The following SPAST variants were observed in gnomAD, a reference collection of about 807,000 sequenced individuals.
SPAST encodes spastin.
Under a neutral mutation model 76.6 loss-of-function variants are expected in SPAST, and 30 were observed. The ratio of observed to expected loss-of-function variants is 0.39; its 90% CI spans 0.29 to 0.53. The LOEUF (loss-of-function observed/expected upper bound fraction) is 0.53, where lower values mean the gene tolerates loss of function less well. SPAST is among the 20% of genes least tolerant of loss of function. The pLI, the probability that SPAST is intolerant of heterozygous loss-of-function variation, is 0.68. For missense variants in SPAST, 717 were observed against 770.5 expected, an observed-to-expected ratio of 0.93 and a Z score of 0.82; for synonymous variants, 305 against 281.0, an observed-to-expected ratio of 1.09 and a Z score of -0.86.
At position 32,089,588 on chromosome 2, in the gene SPAST, A is replaced by C. The variant is rs1458700320; in HGVS notation, c.569A>C (p.Asp190Ala). The C allele has an allele frequency of 6.3e-7, 1 of 1,576,204 alleles. No individual in the cohort carries two copies. The change falls in exon 3 of 17, where the codon GAC becomes GCC. Residue 190 changes from aspartate to alanine, a missense_variant. Asp to Ala is a moderately radical substitution (Grantham distance 126, BLOSUM62 -2). Coordinates refer to ENST00000315285, the MANE Select transcript of SPAST (RefSeq NM_014946.4). Reference protein sequence around the residue: ...KMMTNLVMAKDRLQLLEKMQP... With the variant: ...KMMTNLVMAKARLQLLEKMQP... ...ATGACTAATTTGGTTATGGCCAAGG[A>C]CCGCTTACAACTTCTAGGTATCAAT...
chr2:32,089,889 G>C (rs952613531), intron 3 of SPAST, among the ~76,000 whole-genome samples: 10 of 151,914 alleles, frequency 6.6e-5, no homozygotes, highest in African/African-American at 2.4e-4. Flanking sequence ...TCAGCCTCCT[G>C]AGTAGCTGGG....
At chr2:32,068,794 T>C (rs976706739) in intron 1 of SPAST, among the ~76,000 whole-genome samples, 1 of 149,872 alleles carries the variant, frequency 6.7e-6, no homozygotes, top group Non-Finnish European at 1.5e-5. Flanking sequence ...CTCGGGAGGG[T>C]GAGGCAGGAG....
chr2:32,113,907 G>T (rs1247054545), intron 4 of SPAST, among the ~76,000 whole-genome samples: 2 of 151,346 alleles, frequency 1.3e-5, no homozygotes, highest in East Asian at 1.9e-4. Flanking sequence ...TCCCCAAAAT[G>T]AAGTAGTTTC....
At position 32,109,875 on chromosome 2, in the gene SPAST, T is replaced by C. The variant is rs199949500; in HGVS notation, c.683-4763T>C. 1.1e-3 allele frequency among the ~76,000 whole-genome samples: 149 copies of C among 135,248 alleles called. No homozygotes were observed. The Middle Eastern group carries it at 0.014, about 13-fold the overall frequency. The allele number at this position is 135,248 out of a possible 152,430, so 88.7% of individuals were successfully genotyped here. A position where few individuals can be genotyped will look rare whatever the true frequency, so the allele number is the denominator to read the frequency against. On this transcript the variant is annotated intron_variant, in intron 4 of 16. Coordinates refer to ENST00000315285, the MANE Select transcript of SPAST (RefSeq NM_014946.4). The stretch of plus-strand genomic sequence containing the variant: ...ATATAGTTACATATCTATATGCATA[T>C]ACATATATAGTTACATATGTATATG...
chr2:32,116,301 C>T (rs1460446483), intron 7 of SPAST, 89 bp downstream of exon 7: 1 of 828,336 alleles, frequency 1.2e-6, no homozygotes, highest in Non-Finnish European at 2.0e-6. Context: ...TTGAGCTATA[C>T]TAAAATAATT....
intron 7 of SPAST, 84 bp downstream of exon 7, chr2:32,116,296 C>T (rs1175132273): frequency 1.0e-5 from 9 of 867,024 alleles, no homozygotes; most frequent in Non-Finnish European, 3.9e-6. Context: ...AATATTTGAG[C>T]TATACTAAAA....
intron 1 of SPAST, among the ~76,000 whole-genome samples, chr2:32,081,098 A>C (rs1204909356): frequency 6.6e-6 from 1 of 152,170 alleles, no homozygotes. Context: ...AGCTGAGGCA[A>C]CAGGCGTGCG....
intron 1 of SPAST, among the ~76,000 whole-genome samples, chr2:32,068,666 G>A (rs1268265767): frequency 1.3e-5 from 2 of 152,070 alleles, no homozygotes; most frequent in African/African-American, 2.4e-5. Context: ...AACTGATGCC[G>A]TAATATGCCA....
intron 1 of SPAST, among the ~76,000 whole-genome samples, chr2:32,080,323 A>C (rs140644591): frequency 6.6e-6 from 1 of 151,604 alleles, no homozygotes; most frequent in Non-Finnish European, 1.5e-5. Flanking sequence ...CAGCATAACT[A>C]CTCAACCCTG....
At chr2:32,114,441 A>G (rs1343914705) in intron 4 of SPAST, among the ~76,000 whole-genome samples, 197 bp from the exon 5 acceptor site, 4 of 152,156 alleles carry the variant, frequency 2.6e-5, no homozygotes, top group African/African-American at 9.7e-5. Flanking sequence ...TTAGGGGGAA[A>G]AAACCTAATA....
intron 3 of SPAST, among the ~76,000 whole-genome samples, chr2:32,092,481 T>C (rs3769606): frequency 0.39 from 59,676 of 152,008 alleles, 12,055 homozygotes; most frequent in East Asian, 0.64. Context: ...TGTTATGATA[T>C]AGGACATTAG....
rs1680279726 is a variant in SPAST at position 32,157,162 on chromosome 2, G to A, written c.*2666G>A. 1 of 152,564 alleles carries A rather than the reference G, an allele frequency of 6.6e-6. No individual in the cohort carries two copies. Among genetic ancestry groups the A allele is most frequent in the Non-Finnish European group, 1.5e-5 (1 of 68,014 alleles). The allele number at this position is 152,564 out of a possible 1,614,324, so 9.5% of individuals were successfully genotyped here. A position where few individuals can be genotyped will look rare whatever the true frequency, so the allele number is the denominator to read the frequency against. Reference sequence around the variant, plus strand: ...GATAATGCTTAAACATTAAGCATTAGTGTGCTCTTCATGTTAATATGGCAG... The same window carrying A: ...GATAATGCTTAAACATTAAGCATTAATGTGCTCTTCATGTTAATATGGCAG... On this transcript the variant is annotated 3_prime_UTR_variant, in exon 17 of 17. Coordinates refer to ENST00000315285, the MANE Select transcript of SPAST (RefSeq NM_014946.4).
At chr2:32,149,649 T>C (rs1030749403) in intron 16 of SPAST, among the ~76,000 whole-genome samples, 54 of 152,208 alleles carry the variant, frequency 3.5e-4, no homozygotes, top group South Asian at 2.1e-4. Flanking sequence ...GTACAGACTT[T>C]TATTCTTGTT....
intron 4 of SPAST, among the ~76,000 whole-genome samples, chr2:32,106,377 A>G (rs937609049): frequency 3.3e-5 from 5 of 152,148 alleles, no homozygotes; most frequent in Non-Finnish European, 7.4e-5. Context: ...TCCCTTGGCT[A>G]GGAGAGGGAA....
chr2:32,115,144 C>T (rs1678780753), intron 5 of SPAST, among the ~76,000 whole-genome samples: 1 of 151,938 alleles, frequency 6.6e-6, no homozygotes, highest in Non-Finnish European at 1.5e-5. Context: ...GACGGGGTTT[C>T]TCCATGTTGG....
At chr2:32,134,179 G>A (rs1193553732) in intron 9 of SPAST, among the ~76,000 whole-genome samples, 1 of 152,050 alleles carries the variant, frequency 6.6e-6, no homozygotes, top group East Asian at 1.9e-4. Flanking sequence ...GGGACTATAG[G>A]CACATGCCAC....
Position 32,155,661 on chromosome 2 carries a change from T to C in SPAST, c.*1165T>C, listed in dbSNP as rs1680228594. The C allele has an allele frequency of 1.3e-5, 2 of 152,510 alleles. No homozygotes were observed. Among genetic ancestry groups the C allele is most frequent in the African/African-American group, 4.8e-5 (2 of 41,408 alleles). The allele number at this position is 152,510 out of a possible 1,614,324, so 9.4% of individuals were successfully genotyped here. On this transcript the variant is annotated 3_prime_UTR_variant, in exon 17 of 17. Coordinates refer to ENST00000315285, the MANE Select transcript of SPAST (RefSeq NM_014946.4). The stretch of plus-strand genomic sequence containing the variant: ...CTCCCAAAATGTACAGTAATTCCAT[T>C]TGTTTGTATAAATATGCCTGGATTT...
chr2:32,128,435 G>C lies in SPAST; in HGVS notation c.1201G>C (p.Ala401Pro). ...TAAAGCAGTAGCTGCAGAATCGAAT[G>C]CAACCTTCTTTAATATAAGTGCTGC... is the stretch of plus-strand genomic sequence containing the variant. ...LAKAVAAESN[A>P]TFFNISAASL... Residue 401 changes from alanine to proline, a missense_variant, in exon 9 of 17, where the codon GCA becomes CCA. By Grantham distance (27) the Ala-to-Pro change is conservative. This residue lies in a region of SPAST where 78 missense variants were observed against 197.6 expected (regional missense o/e 0.39). Coordinates refer to ENST00000315285, the MANE Select transcript of SPAST (RefSeq NM_014946.4). The C allele has an allele frequency of 6.2e-7, 1 of 1,612,656 alleles. No individual in the cohort carries two copies. Among genetic ancestry groups the C allele is most frequent in the Non-Finnish European group, 8.5e-7 (1 of 1,178,788 alleles).
intron 13 of SPAST, among the ~76,000 whole-genome samples, chr2:32,142,917 G>GT (rs1050156203): frequency 1.3e-5 from 2 of 151,844 alleles, no homozygotes; most frequent in African/African-American, 2.4e-5. Context: ...TATAAAACTG[G>GT]TTTTTTGCAG....
Sources: allele counts gnomAD v4.1 joint callset (sites outside exome capture counted in the v4.1 genomes callset), GRCh38; gene constraint gnomAD v4.1.1; regional missense constraint gnomAD v4.1.1; transcripts MANE v1.5; gene names NCBI Gene and HGNC (gene_info 2026-07-23, HGNC 2026-07-21).